The following LSP1 variants were observed in gnomAD, a reference collection of about 807,000 sequenced individuals.
The protein encoded by LSP1 is lymphocyte specific protein 1.
A neutral mutation model predicts 49.3 loss-of-function variants in LSP1; 32 were observed. The ratio of observed to expected loss-of-function variants is 0.65; its 90% CI spans 0.49 to 0.87. LSP1 has a LOEUF of 0.87. LSP1 is among the 40% of genes least tolerant of loss of function. The probability of loss-of-function intolerance (pLI) is 0.00; values close to 1 mark genes in which losing one functional copy is unlikely to be tolerated. For synonymous variants in LSP1, 179 were observed against 178.8 expected (o/e 1.00, Z -0.01); for missense variants, 428 against 442.6 (o/e 0.97, Z 0.30).
intron 1 of LSP1, among the ~76,000 whole-genome samples, chr11:1,862,330 C>T (rs569012822): frequency 6.6e-6 from 1 of 152,338 alleles, no homozygotes; most frequent in African/African-American, 2.4e-5. Flanking sequence ...ATGTAAATAT[C>T]TGTTCTTGTC....
intron 1 of LSP1, 56 bp downstream of exon 1, chr11:1,853,253 C>T: frequency 6.4e-7 from 1 of 1,560,148 alleles, no homozygotes; most frequent in Non-Finnish European, 8.7e-7. Flanking sequence ...GTGCATAGTC[C>T]TTGAGCTGCA....
intron 4 of LSP1, 84 bp downstream of exon 4, chr11:1,883,644 C>T (rs1185279109): frequency 1.3e-6 from 2 of 1,495,936 alleles, no homozygotes; most frequent in African/African-American, 2.8e-5. Context: ...CTCTGTGGGC[C>T]CTGTGGGTCT....
chr11:1,873,252 G>A (rs1405270287), intron 1 of LSP1, among the ~76,000 whole-genome samples: 6 of 151,940 alleles, frequency 3.9e-5, no homozygotes, highest in Non-Finnish European at 8.8e-5. Flanking sequence ...GCATACGCAC[G>A]GCCACTGCAC....
chr11:1,890,079 G>C (rs1439318478), intron 10 of LSP1: 1 of 715,210 alleles, frequency 1.4e-6, no homozygotes, highest in Non-Finnish European at 2.6e-6. Flanking sequence ...CCCAGAGACA[G>C]GGACGAAGCC....
chr11:1,866,843 A>G, intron 1 of LSP1: 4 of 1,547,806 alleles, frequency 2.6e-6, no homozygotes, highest in Middle Eastern at 3.3e-4. Context: ...GCGGTGGCTC[A>G]CCCCCTTGTC....
chr11:1,882,760 C>T (rs754205560), intron 3 of LSP1, among the ~76,000 whole-genome samples: 69 of 152,218 alleles, frequency 4.5e-4, no homozygotes, highest in Non-Finnish European at 8.5e-4. Flanking sequence ...CCACCTTGGG[C>T]GGGTGGGTCT....
chr11:1,874,280 C>T (rs1409033959), intron 1 of LSP1, among the ~76,000 whole-genome samples: 6 of 29,014 alleles, frequency 2.1e-4, no homozygotes, highest in African/African-American at 1.1e-3. Context: ...GGGGGCAGGC[C>T]GGGGACGGGG....
intron 1 of LSP1, 137 bp from the exon 2 acceptor site, chr11:1,879,950 C>A: frequency 9.7e-7 from 1 of 1,030,848 alleles, no homozygotes; most frequent in Non-Finnish European, 1.4e-6. Flanking sequence ...GGCCTGAGGG[C>A]CGGCCTGGGA....
chr11:1,873,829 C>T lies in LSP1; in HGVS notation c.54-6258C>T, dbSNP rs376334445. On this transcript the variant is annotated intron_variant, in intron 1 of 10. Transcript: ENST00000311604. Reference sequence around the variant, plus strand: ...AGGGAGCCCAGCAGAGGAGGGAGGCCGGCAGAGGAGGGAGGCCGGCAGAGG... The same window carrying T: ...AGGGAGCCCAGCAGAGGAGGGAGGCTGGCAGAGGAGGGAGGCCGGCAGAGG... Among the ~76,000 whole-genome samples, 697 of 145,476 alleles carry T rather than the reference C, an allele frequency of 4.8e-3. 42 individuals are homozygous for T. The highest frequency in any genetic ancestry group is 8.2e-3 in the Non-Finnish European group (545 of 66,084).
intron 1 of LSP1, among the ~76,000 whole-genome samples, chr11:1,860,716 GC>G (rs1269207928): frequency 6.6e-6 from 1 of 152,204 alleles, no homozygotes; most frequent in Non-Finnish European, 1.5e-5. Context: ...CTGATCATCA[GC>G]CCAACAGCTA....
Position 1,886,769 on chromosome 11 carries a change from C to T in LSP1, c.755C>T (p.Ser252Phe). The T allele has an allele frequency of 6.2e-7, 1 of 1,611,872 alleles. No individual in the cohort carries two copies. The highest frequency in any genetic ancestry group is 8.5e-7 in the Non-Finnish European group (1 of 1,179,732). The change falls in exon 8 of 11, where the codon TCC becomes TTC. Residue 252 changes from serine to phenylalanine, a missense_variant. Ser to Phe is a radical substitution (Grantham distance 155). Transcript: ENST00000311604. ...GRTPKLARQA[S>F]IELPSMAVAS... ...ACCCCCAAGCTAGCCCGCCAGGCCTCCATAGAGCTGCCCAGCATGGCTGTG... is the reference window on the plus strand; with the variant it reads ...ACCCCCAAGCTAGCCCGCCAGGCCTTCATAGAGCTGCCCAGCATGGCTGTG...
At chr11:1,890,267 G>C (rs1366912721) in intron 10 of LSP1, 1 of 714,302 alleles carries the variant, frequency 1.4e-6, no homozygotes, top group Non-Finnish European at 2.6e-6. Context: ...CAGCCACCAT[G>C]CGGGGAGCCT....
chr11:1,854,320 C>A (rs117704672), intron 1 of LSP1, among the ~76,000 whole-genome samples: 1 of 152,142 alleles, frequency 6.6e-6, no homozygotes, highest in African/African-American at 2.4e-5. Context: ...TCACATACCC[C>A]AAAACTGCAG....
chr11:1,887,205 G>A lies in LSP1; in HGVS notation c.853-32G>A, dbSNP rs774442090. 5 of 1,430,596 alleles carry A rather than the reference G, an allele frequency of 3.5e-6. No individual in the cohort carries two copies. In the African/African-American group the frequency reaches 7.1e-5, roughly 20 times the overall value. The allele number at this position is 1,430,596 out of a possible 1,614,324, so 88.6% of individuals were successfully genotyped here. A position where few individuals can be genotyped will look rare whatever the true frequency, so the allele number is the denominator to read the frequency against. ...TCTACTCCCCAAGATCCAGGGGTCT[G>A]CCCTTGTGACATACCCTTCTGCTGC... On this transcript the variant is annotated intron_variant, in intron 8 of 10. Transcript: ENST00000311604.
At position 1,865,527 on chromosome 11, in the gene LSP1, T is replaced by A. The variant is rs533141497; in HGVS notation, c.53+12330T>A. On this transcript the variant is annotated intron_variant, in intron 1 of 10. Coordinates refer to ENST00000311604, the MANE Select transcript of LSP1 (RefSeq NM_002339.3). ...CTGCACTGCCGGCTGCGCTGTCGCCTGCTCACACCGTCCCACCCGCACCGC... is the reference window on the plus strand; with the variant it reads ...CTGCACTGCCGGCTGCGCTGTCGCCAGCTCACACCGTCCCACCCGCACCGC... 6.9e-5 allele frequency among the ~76,000 whole-genome samples: 10 copies of A among 144,042 alleles called. No homozygotes were observed. In the East Asian group the frequency reaches 1.8e-3, roughly 27 times the overall value. The allele number at this position is 144,042 out of a possible 152,430, so 94.5% of individuals were successfully genotyped here.
chr11:1,854,029 G>A lies in LSP1; in HGVS notation c.53+832G>A, dbSNP rs182577800. 3.5e-3 allele frequency among the ~76,000 whole-genome samples: 540 copies of A among 152,272 alleles called. 4 individuals are homozygous for A. Among genetic ancestry groups the A allele is most frequent in the African/African-American group, 0.012 (498 of 41,548 alleles). ...CATCCAGGCATCACAGCTGAGCCTC[G>A]CCAGGGGAACCCGAGTTGCCCCCGG... On this transcript the variant is annotated intron_variant, in intron 1 of 10. Coordinates refer to ENST00000311604, the MANE Select transcript of LSP1 (RefSeq NM_002339.3).
chr11:1,856,240 C>T (rs910066344), intron 1 of LSP1, among the ~76,000 whole-genome samples: 3 of 152,224 alleles, frequency 2.0e-5, no homozygotes, highest in African/African-American at 7.2e-5. Flanking sequence ...GCGACCAGGC[C>T]GTGTCTCCCA....
At chr11:1,877,909 G>A (rs1253051990) in intron 1 of LSP1, among the ~76,000 whole-genome samples, 8 of 152,082 alleles carry the variant, frequency 5.3e-5, no homozygotes, top group Non-Finnish European at 8.8e-5. Context: ...GTTGGGGCCC[G>A]GACTGCTTGC....
chr11:1,889,359 G>T, intron 10 of LSP1: 1 of 712,640 alleles, frequency 1.4e-6, no homozygotes. Flanking sequence ...CTCCGCCACT[G>T]ACATGCGGTA....
Sources: allele counts gnomAD v4.1 joint callset (sites outside exome capture counted in the v4.1 genomes callset), GRCh38; gene constraint gnomAD v4.1.1; transcripts MANE v1.5; gene names NCBI Gene and HGNC (gene_info 2026-07-23, HGNC 2026-07-21).